The following CCDC88A variants were observed in gnomAD, a reference collection of about 807,000 sequenced individuals.
CCDC88A encodes the protein girdin.
CCDC88A carries 54 observed loss-of-function variants against 234.3 expected under a neutral mutation model. The observed-to-expected ratio is 0.23, with a 90% CI of 0.19 to 0.29. CCDC88A has a LOEUF of 0.29. Ranked by LOEUF, CCDC88A falls within the 10% of genes least tolerant of loss-of-function variation. The probability of loss-of-function intolerance (pLI) is 1.00; values close to 1 mark genes in which losing one functional copy is unlikely to be tolerated. For missense variants in CCDC88A, 1,832 were observed against 2,123.4 expected (o/e 0.86, Z 2.70); for synonymous variants, 753 against 737.8 (o/e 1.02, Z -0.33).
intron 3 of CCDC88A, among the ~76,000 whole-genome samples, chr2:55,387,936 A>G (rs2104889102): frequency 6.6e-6 from 1 of 152,296 alleles, no homozygotes; most frequent in East Asian, 1.9e-4. Context: ...AATTTGATAA[A>G]TTCATCATCA....
At chr2:55,401,433 C>CAAAAAAAAAAAAAAAAAAAAAAAAAAAA (rs1418741634) in intron 2 of CCDC88A, among the ~76,000 whole-genome samples, 1 of 30,146 alleles carries the variant, frequency 3.3e-5, no homozygotes, top group Non-Finnish European at 5.3e-5. Flanking sequence ...GACTCTGTCT[C>CAAAAAAAAAAAAAAAAAAAAAAAAAAAA]CAAAAAAAAA....
intron 3 of CCDC88A, among the ~76,000 whole-genome samples, chr2:55,377,715 T>G (rs1473682147): frequency 1.3e-5 from 2 of 152,136 alleles, no homozygotes; most frequent in Non-Finnish European, 2.9e-5. Context: ...GTTCAAGAGA[T>G]TCTCCTGTTT....
chr2:55,290,054 G>A lies in CCDC88A; in HGVS notation c.*1146C>T, dbSNP rs1679339155. The A allele has an allele frequency of 6.6e-6, 1 of 152,456 alleles. No individual in the cohort carries two copies. The highest frequency in any genetic ancestry group is 1.5e-5 in the Non-Finnish European group (1 of 67,938). The allele number at this position is 152,456 out of a possible 1,614,324, so 9.4% of individuals were successfully genotyped here. ...TTTGATTTCATAAGAAAATAAAACT[G>A]TGATATAAAATTGGAACTACTAAAA... On this transcript the variant is annotated 3_prime_UTR_variant, in exon 33 of 33. Coordinates refer to ENST00000436346, the MANE Select transcript of CCDC88A (RefSeq NM_001365480.1).
intron 2 of CCDC88A, among the ~76,000 whole-genome samples, chr2:55,406,489 T>G (rs1428446299): frequency 6.6e-6 from 1 of 152,104 alleles, no homozygotes; most frequent in Non-Finnish European, 1.5e-5. Flanking sequence ...GCATGGTGGC[T>G]TACACCTGTA....
intron 3 of CCDC88A, among the ~76,000 whole-genome samples, chr2:55,384,146 C>A (rs532961335): frequency 6.6e-6 from 1 of 152,100 alleles, no homozygotes; most frequent in Admixed American, 6.6e-5. Flanking sequence ...CTACAGTGAG[C>A]TGTGACTTAG....
intron 17 of CCDC88A, among the ~76,000 whole-genome samples, chr2:55,326,208 G>T (rs1167937577): frequency 6.6e-6 from 1 of 151,546 alleles, no homozygotes; most frequent in African/African-American, 2.4e-5. Context: ...TAAGAGACAG[G>T]ATCTCCCTAT....
intron 3 of CCDC88A, among the ~76,000 whole-genome samples, chr2:55,387,779 C>CAAAAAAAAA (rs66479611): frequency 6.2e-5 from 4 of 64,846 alleles, no homozygotes; most frequent in African/African-American, 1.6e-4. Flanking sequence ...GGCTCCATCT[C>CAAAAAAAAA]AAAAAAAAAA....
At chr2:55,402,825 T>C (rs1051671517) in intron 2 of CCDC88A, among the ~76,000 whole-genome samples, 2 of 151,088 alleles carry the variant, frequency 1.3e-5, no homozygotes, top group Non-Finnish European at 2.9e-5. Context: ...CTGGCTAATA[T>C]GGTGAAACCC....
chr2:55,387,132 G>A (rs371008978), intron 3 of CCDC88A, among the ~76,000 whole-genome samples: 23 of 132,990 alleles, frequency 1.7e-4, no homozygotes, highest in East Asian at 6.5e-4. Context: ...AGCTGAGCTC[G>A]TGCCACTGCA....
intron 3 of CCDC88A, among the ~76,000 whole-genome samples, chr2:55,376,987 T>C (rs1456844144): frequency 6.6e-6 from 1 of 152,068 alleles, no homozygotes; most frequent in African/African-American, 2.4e-5. Context: ...CCCACCACCA[T>C]GCCTGGCTAA....
In CCDC88A at chr2:55,332,730, C is replaced by T. The variant is rs1235060579; in HGVS notation, c.2728-37G>A. 5.6e-6 allele frequency: 9 copies of T among 1,603,518 alleles called. No homozygotes were observed. The highest frequency in any genetic ancestry group is 1.1e-5 in the South Asian group (1 of 90,628). ...AGAAATGCAAAACTCACCTAAGTGT[C>T]AAGGGTATAAACATCTAAGAAAGTC... is the stretch of plus-strand genomic sequence containing the variant. On this transcript the variant is annotated intron_variant, in intron 15 of 32. Transcript: ENST00000436346. The surrounding 1 kb of genome is among the most constrained non-coding windows in gnomAD (Gnocchi z 4.5).
intron 7 of CCDC88A, among the ~76,000 whole-genome samples, chr2:55,359,276 G>T (rs1315868559): frequency 1.3e-5 from 2 of 152,010 alleles, no homozygotes; most frequent in African/African-American, 2.4e-5. Context: ...ACAGAAGACA[G>T]ATACTACATT....
chr2:55,393,562 G>A (rs1677049437), intron 2 of CCDC88A, among the ~76,000 whole-genome samples: 1 of 151,868 alleles, frequency 6.6e-6, no homozygotes, highest in Non-Finnish European at 1.5e-5. Context: ...CCAAAGTGCT[G>A]GGATTACAGG....
chr2:55,352,910 C>T (rs1162218111), intron 8 of CCDC88A, among the ~76,000 whole-genome samples: 1 of 152,074 alleles, frequency 6.6e-6, no homozygotes, highest in East Asian at 1.9e-4. Flanking sequence ...ATGATTTCTG[C>T]ACTTCATTCA....
chr2:55,322,758 T>A, intron 17 of CCDC88A, 66 bp from the exon 18 acceptor site: 1 of 852,864 alleles, frequency 1.2e-6, no homozygotes, highest in Non-Finnish European at 1.8e-6. Flanking sequence ...TTCTCTCAAT[T>A]AATTTGACTC....
chr2:55,309,065 A>G lies in CCDC88A; in HGVS notation c.4173-42T>C, dbSNP rs1489915295. On this transcript the variant is annotated intron_variant, in intron 24 of 32. Coordinates refer to ENST00000436346, the MANE Select transcript of CCDC88A (RefSeq NM_001365480.1). This position sits in a 1 kb window ranked among gnomAD's most constrained non-coding sequence, Gnocchi z 5.1. ...AATTGTTATCAGTTTAAAATTCAAC[A>G]TACAAATCCTTCACAAAAGTAGAAG... 1 of 1,513,080 alleles carries G rather than the reference A, an allele frequency of 6.6e-7. No individual in the cohort carries two copies. The highest frequency in any genetic ancestry group is 9.2e-7 in the Non-Finnish European group (1 of 1,091,192). 93.7% of individuals were successfully genotyped at this position (1,513,080 alleles called of 1,614,324 possible). A position where few individuals can be genotyped will look rare whatever the true frequency, so the allele number is the denominator to read the frequency against.
chr2:55,357,681 C>T (rs1250393456), intron 7 of CCDC88A, among the ~76,000 whole-genome samples: 1 of 152,138 alleles, frequency 6.6e-6, no homozygotes, highest in Admixed American at 6.6e-5. Context: ...TATTTCTCAT[C>T]GCCAAGTCTT....
intron 2 of CCDC88A, among the ~76,000 whole-genome samples, chr2:55,390,745 G>C (rs1026328657): frequency 6.6e-6 from 1 of 152,168 alleles, no homozygotes; most frequent in Non-Finnish European, 1.5e-5. Flanking sequence ...CAAAGCTGGA[G>C]TTCATGGATG....
At chr2:55,366,607 A>G (rs991319999) in intron 5 of CCDC88A, among the ~76,000 whole-genome samples, 5 of 152,110 alleles carry the variant, frequency 3.3e-5, no homozygotes, top group African/African-American at 1.2e-4. Context: ...GGACATAGGA[A>G]AAAAGCAAAA....
Sources: allele counts gnomAD v4.1 joint callset (sites outside exome capture counted in the v4.1 genomes callset), GRCh38; gene constraint gnomAD v4.1.1; non-coding constraint Gnocchi (gnomAD v3.1); transcripts MANE v1.5; gene names NCBI Gene and HGNC (gene_info 2026-07-23, HGNC 2026-07-21).